The following ZFHX3 variants were observed in gnomAD, a reference collection of about 807,000 sequenced individuals.
ZFHX3 encodes the protein zinc finger homeobox protein 3.
A neutral mutation model predicts 279.1 loss-of-function variants in ZFHX3; 42 were observed. The observed-to-expected ratio is 0.15, with a 90% confidence interval of 0.12 to 0.19. ZFHX3 has a LOEUF of 0.19. Among genes scored for constraint, ZFHX3 ranks in the 10% least tolerant of loss-of-function variants. The pLI, the probability that ZFHX3 is intolerant of heterozygous loss-of-function variation, is 1.00. For synonymous variants in ZFHX3, 2,293 were observed against 1,957.8 expected (o/e 1.17, Z -4.52); for missense variants, 4,981 against 4,754.0 (o/e 1.05, Z -1.40).
chr16:72,912,677 T>G (rs928299510), intron 3 of ZFHX3, among the ~76,000 whole-genome samples: 12 of 152,122 alleles, frequency 7.9e-5, no homozygotes, highest in African/African-American at 2.9e-4. Flanking sequence ...GGGATGGGGC[T>G]TGCACTTTTA....
intron 5 of ZFHX3, among the ~76,000 whole-genome samples, chr16:73,197,846 G>T (rs573201381): frequency 6.9e-6 from 1 of 144,950 alleles, no homozygotes; most frequent in South Asian, 2.3e-4. Context: ...AGGTATAAAA[G>T]ATGCTTCTTG....
chr16:73,833,205 A>G (rs1026544864), intron 1 of ZFHX3, among the ~76,000 whole-genome samples: 1 of 152,140 alleles, frequency 6.6e-6, no homozygotes, highest in Non-Finnish European at 1.5e-5. Flanking sequence ...TCTACAAAAG[A>G]TTTAAAAGTT....
chr16:73,562,010 A>C (rs1256037699), intron 2 of ZFHX3, among the ~76,000 whole-genome samples: 3 of 152,210 alleles, frequency 2.0e-5, no homozygotes, highest in Admixed American at 2.0e-4. Context: ...AAGAGCTCTA[A>C]AAATCTACAG....
intron 5 of ZFHX3, among the ~76,000 whole-genome samples, chr16:73,236,881 A>G (rs1487646583): frequency 1.3e-5 from 2 of 152,232 alleles, no homozygotes; most frequent in Non-Finnish European, 2.9e-5. Context: ...GGAAGAAGCC[A>G]CGCGGTACCT....
intron 1 of ZFHX3, among the ~76,000 whole-genome samples, chr16:73,749,876 G>C (rs1382577684): frequency 6.6e-6 from 1 of 152,138 alleles, no homozygotes; most frequent in Non-Finnish European, 1.5e-5. Flanking sequence ...AAGAAGACTG[G>C]ATTACTCAAA....
chr16:73,393,039 T>A (rs1211621377), intron 3 of ZFHX3, among the ~76,000 whole-genome samples: 1 of 152,206 alleles, frequency 6.6e-6, no homozygotes, highest in Non-Finnish European at 1.5e-5. Flanking sequence ...TTCACCACAT[T>A]GGCCAGGCTG....
rs35461704 is a variant in ZFHX3 at position 73,359,905 on chromosome 16, A to AT, written c.-1290-41570dup. Among the ~76,000 whole-genome samples, 231 of 151,328 alleles carry AT rather than the reference A, an allele frequency of 1.5e-3. 1 individual carries two copies. The highest frequency in any genetic ancestry group is 0.014 in the Middle Eastern group (4 of 294). On this transcript the variant is annotated intron_variant, in intron 3 of 17. Coordinates refer to the ZFHX3 transcript ENST00000641206. Reference sequence around the variant, plus strand: ...TGGGGGGTGGTTCATGTTAGATGGGATTTTTTTTTTAAATGATCAAATAAC... The same window carrying AT: ...TGGGGGGTGGTTCATGTTAGATGGGATTTTTTTTTTTAAATGATCAAATAAC...
At chr16:73,048,530 G>A (rs371564899), upstream of ZFHX3, among the ~76,000 whole-genome samples, 2 of 152,174 alleles carry the variant, frequency 1.3e-5, no homozygotes, top group Non-Finnish European at 2.9e-5. Context: ...AGGCCCTCCC[G>A]GAGGCGCTGA....
intron 7 of ZFHX3, among the ~76,000 whole-genome samples, chr16:72,803,516 C>T (rs2036174912): frequency 6.6e-6 from 1 of 152,136 alleles, no homozygotes; most frequent in Non-Finnish European, 1.5e-5. Context: ...CACCAATTTT[C>T]CTGCAGAACA....
At chr16:73,001,046 T>C (rs1199897759) in intron 1 of ZFHX3, among the ~76,000 whole-genome samples, 3 of 152,164 alleles carry the variant, frequency 2.0e-5, no homozygotes, top group Non-Finnish European at 2.9e-5. Context: ...GAGCAATACA[T>C]AGGGACTCAC....
At chr16:73,542,164 T>C (rs2020028233) in intron 2 of ZFHX3, among the ~76,000 whole-genome samples, 1 of 152,084 alleles carries the variant, frequency 6.6e-6, no homozygotes, top group Non-Finnish European at 1.5e-5. Flanking sequence ...GTCAAATCCC[T>C]TGCACGAATG....
chr16:73,496,959 T>C (rs1466702356), intron 2 of ZFHX3, among the ~76,000 whole-genome samples: 3 of 152,186 alleles, frequency 2.0e-5, no homozygotes, highest in African/African-American at 7.2e-5. Flanking sequence ...AGCCCTGGTT[T>C]CTGGGCTCTG....
chr16:73,613,593 A>G (rs896283933), intron 2 of ZFHX3, among the ~76,000 whole-genome samples: 1 of 152,196 alleles, frequency 6.6e-6, no homozygotes, highest in African/African-American at 2.4e-5. Flanking sequence ...TATGAAAGTA[A>G]AGTTGAAAGA....
chr16:73,339,121 C>T (rs1336761864), intron 3 of ZFHX3, among the ~76,000 whole-genome samples: 1 of 152,174 alleles, frequency 6.6e-6, no homozygotes, highest in Non-Finnish European at 1.5e-5. Context: ...TTCTTTATAG[C>T]AATGTGAGAA....
At position 72,958,506 on chromosome 16, in the gene ZFHX3, G is replaced by A. The variant is rs1961378744; in HGVS notation, c.1640C>T (p.Thr547Ile). The change falls in exon 2 of 10, where the codon ACA becomes ATA. Residue 547 changes from threonine (T) to isoleucine (I), a missense_variant. Transcript: ENST00000268489. ...AGCAGAATTAGAACTAGTAGAAGCT[G>A]TGCCCCTCGACAGGGTCTGGAGCAC... is the stretch of plus-strand genomic sequence containing the variant. ...PNVLQTLSRG[T>I]ASTSSNSASS... is the part of the protein sequence containing the mutation. 3 of 1,613,942 alleles carry A rather than the reference G, an allele frequency of 1.9e-6. No individual in the cohort carries two copies. Among genetic ancestry groups the A allele is most frequent in the Non-Finnish European group, 1.7e-6 (2 of 1,180,058 alleles).
chr16:73,083,038 A>AT (rs1965969464), intron 8 of ZFHX3, among the ~76,000 whole-genome samples: 1 of 64,178 alleles, frequency 1.6e-5, no homozygotes, highest in African/African-American at 3.7e-5. Context: ...AAAAAAAAAA[A>AT]AAAAAAATAC....
intron 5 of ZFHX3, among the ~76,000 whole-genome samples, chr16:73,189,681 C>T (rs1287822492): frequency 6.6e-6 from 1 of 152,208 alleles, no homozygotes; most frequent in Admixed American, 6.5e-5. Flanking sequence ...TCTCTCCTTT[C>T]ACCTCTCTTT....
intron 1 of ZFHX3, among the ~76,000 whole-genome samples, chr16:73,734,059 G>A (rs568324966): frequency 9.2e-5 from 14 of 152,044 alleles, no homozygotes; most frequent in South Asian, 2.1e-4. Context: ...TTCTCATAAC[G>A]AGCATGCAAC....
intron 2 of ZFHX3, among the ~76,000 whole-genome samples, chr16:73,653,912 C>T (rs575778149): frequency 2.0e-5 from 3 of 152,156 alleles, no homozygotes; most frequent in East Asian, 1.9e-4. Context: ...GGGCCGGGCA[C>T]GGTGGCTCAC....
Sources: gnomAD v4.1 joint callset for allele counts (sites outside exome capture counted in the v4.1 genomes callset) on GRCh38, gnomAD v4.1.1 for gene constraint, MANE v1.5 for transcripts, NCBI Gene and HGNC (gene_info 2026-07-23, HGNC 2026-07-21) for gene names.